The following RAB11FIP3 variants were observed in gnomAD, a reference collection of about 807,000 sequenced individuals.
RAB11FIP3 encodes rab11 family-interacting protein 3.
In RAB11FIP3, 17 loss-of-function variants were observed where a neutral mutation model predicts 77.8. The observed-to-expected ratio is 0.22, with a 90% CI of 0.15 to 0.33. The LOEUF (loss-of-function observed/expected upper bound fraction) is 0.33, where lower values mean the gene tolerates loss of function less well. Ranked by LOEUF, RAB11FIP3 falls within the 10% of genes least tolerant of loss-of-function variation. The probability of loss-of-function intolerance (pLI) is 1.00; values close to 1 mark genes in which losing one functional copy is unlikely to be tolerated. For missense variants in RAB11FIP3, 1,005 were observed against 1,011.2 expected, an observed-to-expected ratio of 0.99 and a Z score of 0.08; for synonymous variants, 437 against 448.2, an observed-to-expected ratio of 0.98 and a Z score of 0.31.
intron 1 of RAB11FIP3, among the ~76,000 whole-genome samples, chr16:440,123 G>T (rs140362601): frequency 2.6e-4 from 39 of 151,142 alleles, no homozygotes; most frequent in Admixed American, 6.6e-4. Context: ...GATTACAGGC[G>T]TGAGCCACCG....
rs760328450 is a variant in RAB11FIP3, at chr16:488,923, C to A, written c.1188C>A (p.Gly396=). 6.2e-7 allele frequency: 1 copy of A among 1,614,092 alleles called. No individual in the cohort carries two copies. The highest frequency in any genetic ancestry group is 8.5e-7 in the Non-Finnish European group (1 of 1,179,994). Residue 396 remains glycine, a synonymous_variant, in exon 5 of 14, where the codon GGC becomes GGA. Coordinates refer to ENST00000262305, the MANE Select transcript of RAB11FIP3 (RefSeq NM_014700.4). ...AGCACTTTGAGGACTACGGTGAAGGCAGTGAGGCGGAGCTGTCCCCAGAGA... is the reference window on the plus strand; with the variant it reads ...AGCACTTTGAGGACTACGGTGAAGGAAGTGAGGCGGAGCTGTCCCCAGAGA... The part of the protein sequence containing the change: ...GEEHFEDYGE[G]SEAELSPETL...
At chr16:459,250 C>T (rs755139319) in intron 1 of RAB11FIP3, among the ~76,000 whole-genome samples, 1 of 151,278 alleles carries the variant, frequency 6.6e-6, no homozygotes, top group African/African-American at 2.4e-5. Context: ...CCTCAGCCTC[C>T]CGAGTAGCTG....
chr16:518,316 A>T (rs1161684393), intron 9 of RAB11FIP3, among the ~76,000 whole-genome samples: 1 of 152,212 alleles, frequency 6.6e-6, no homozygotes, highest in East Asian at 1.9e-4. Flanking sequence ...CCTGGGCCCA[A>T]GCAATCCTCC....
chr16:458,032 C>T (rs2055531623), intron 1 of RAB11FIP3, among the ~76,000 whole-genome samples: 1 of 152,262 alleles, frequency 6.6e-6, no homozygotes, highest in African/African-American at 2.4e-5. Context: ...GGGGCGATGG[C>T]CCCGGCCTCT....
intron 1 of RAB11FIP3, among the ~76,000 whole-genome samples, chr16:446,312 G>T (rs2055316157): frequency 6.6e-6 from 1 of 152,200 alleles, no homozygotes; most frequent in Non-Finnish European, 1.5e-5. Context: ...TCTGAAATTG[G>T]TTGTCTATGT....
intron 1 of RAB11FIP3, among the ~76,000 whole-genome samples, chr16:449,751 AGACCC>A (rs1302127195): frequency 6.6e-6 from 1 of 151,920 alleles, no homozygotes; most frequent in African/African-American, 2.4e-5. Flanking sequence ...CAGGAGTTTG[AGACCC>A]GCCTGGCCAA....
chr16:426,538 C>A lies in RAB11FIP3; in HGVS notation c.532C>A (p.Pro178Thr), dbSNP rs1390528936. Residue 178 changes from proline (P) to threonine (T), a missense_variant, in exon 1 of 14, where the codon CCC becomes ACC. Physicochemically the swap from Pro to Thr is conservative, Grantham distance 38. Transcript: ENST00000262305. The surrounding 1 kb of genome is among the most constrained non-coding windows in gnomAD (Gnocchi z 5.0). ...TAGELALEQGPGSPPQPSDLS... is the reference protein window; with the variant it reads ...TAGELALEQGTGSPPQPSDLS... ...GGGCGAGCTGGCGCTGGAGCAAGGT[C>A]CCGGGTCCCCGCCGCAGCCCTCGGA... 6.4e-7 allele frequency: 1 copy of A among 1,566,616 alleles called. No individual in the cohort carries two copies. Among genetic ancestry groups the A allele is most frequent in the Admixed American group, 1.9e-5 (1 of 52,276 alleles).
rs781229732 is a variant in RAB11FIP3, at chr16:449,990, A to G, written c.715-11414A>G. Among the ~76,000 whole-genome samples the G allele has an allele frequency of 2.6e-5, 4 of 152,100 alleles. No homozygotes were observed. In the South Asian group the frequency reaches 8.3e-4, roughly 32 times the overall value. ...TTTTAAAGATTAAGTTAACCTCGTC[A>G]CAGTGACTGTGCCACCACATGCACA... On this transcript the variant is annotated intron_variant, in intron 1 of 13. Coordinates refer to ENST00000262305, the MANE Select transcript of RAB11FIP3 (RefSeq NM_014700.4).
chr16:443,843 C>T (rs1036668735), intron 1 of RAB11FIP3, among the ~76,000 whole-genome samples: 4 of 152,204 alleles, frequency 2.6e-5, no homozygotes, highest in Admixed American at 6.5e-5. Flanking sequence ...GGATTACAGG[C>T]ATGAGCCATC....
At position 520,658 on chromosome 16, in the gene RAB11FIP3, C is replaced by T. The variant is rs114324995; in HGVS notation, c.2157+59C>T. The T allele has an allele frequency of 1.0e-3, 1,631 of 1,610,120 alleles. 17 individuals carry two copies. In the African/African-American group the frequency reaches 0.019, roughly 19 times the overall value. On this transcript the variant is annotated intron_variant, in intron 13 of 13. Transcript: ENST00000262305. ...GGGTCCACAGTCTGCACTGTCTGTG[C>T]GCTGTGGTTTATGCGCTGTGGCCTG...
At chr16:460,093 T>G (rs2055578702) in intron 1 of RAB11FIP3, among the ~76,000 whole-genome samples, 2 of 152,246 alleles carry the variant, frequency 1.3e-5, no homozygotes, top group Admixed American at 6.5e-5. Context: ...GTCAGGATGA[T>G]CTGGAACTCC....
At chr16:436,845 G>C (rs2055138458) in intron 1 of RAB11FIP3, among the ~76,000 whole-genome samples, 1 of 152,156 alleles carries the variant, frequency 6.6e-6, no homozygotes, top group South Asian at 2.1e-4. Flanking sequence ...TCCTCCTAGT[G>C]TTGAGATTAT....
chr16:445,197 C>T (rs1199420932), intron 1 of RAB11FIP3, among the ~76,000 whole-genome samples: 2 of 149,616 alleles, frequency 1.3e-5, no homozygotes, highest in Non-Finnish European at 3.0e-5. Flanking sequence ...CTTTAGGAGG[C>T]CAAGGCAGGC....
intron 9 of RAB11FIP3, among the ~76,000 whole-genome samples, chr16:515,669 C>G (rs2032375737): frequency 6.6e-6 from 1 of 151,966 alleles, no homozygotes; most frequent in Admixed American, 6.6e-5. Flanking sequence ...GTGTTTGCAT[C>G]TCGGAGCAGC....
rs1339168069 is a variant in RAB11FIP3, at chr16:471,619, C to T, written c.903+230C>T. Among the ~76,000 whole-genome samples the T allele has an allele frequency of 6.6e-5, 10 of 152,190 alleles. No homozygotes were observed. Among genetic ancestry groups the T allele is most frequent in the Non-Finnish European group, 8.8e-5 (6 of 68,038 alleles). ...GCAGGAATCCTCCCCCAGGGCCTGT[C>T]GCCAGCAGAAGTGGGGTGGGCAGTG... On this transcript the variant is annotated intron_variant, in intron 3 of 13. Transcript: ENST00000262305. This position sits in a 1 kb window ranked among gnomAD's most constrained non-coding sequence, Gnocchi z 4.4.
intron 1 of RAB11FIP3, among the ~76,000 whole-genome samples, chr16:436,594 G>A (rs955285034): frequency 1.3e-5 from 2 of 152,096 alleles, no homozygotes; most frequent in Non-Finnish European, 2.9e-5. Context: ...AGATTCTCCT[G>A]CCTCAGCCTC....
rs1307307131 is a variant in RAB11FIP3 at position 521,630 on chromosome 16, C to T, written c.*791C>T. On this transcript the variant is annotated 3_prime_UTR_variant, in exon 14 of 14. Transcript: ENST00000262305. The stretch of plus-strand genomic sequence containing the variant: ...TGGGGCCTCCACTCCGACATCAGGA[C>T]CTGAGATGACCGCTGTGTGGCGCTC... The T allele has an allele frequency of 6.6e-6, 1 of 152,636 alleles. No individual in the cohort carries two copies. The highest frequency in any genetic ancestry group is 6.5e-5 in the Admixed American group (1 of 15,312). The allele number at this position is 152,636 out of a possible 1,614,324, so 9.5% of individuals were successfully genotyped here.
rs946024962 is a variant in RAB11FIP3 at position 520,932 on chromosome 16, C to G, written c.*93C>G. 15 of 1,036,436 alleles carry G rather than the reference C, an allele frequency of 1.4e-5. No homozygotes were observed. Among genetic ancestry groups the G allele is most frequent in the Non-Finnish European group, 2.3e-5 (15 of 666,312 alleles). The allele number at this position is 1,036,436 out of a possible 1,614,324, so 64.2% of individuals were successfully genotyped here. ...GAGGAGCCAAGACCAGCAGGTCCCA[C>G]AGCCGACAGTGCCCAGAGCATGCAG... is the stretch of plus-strand genomic sequence containing the variant. On this transcript the variant is annotated 3_prime_UTR_variant, in exon 14 of 14. Transcript: ENST00000262305.
intron 2 of RAB11FIP3, among the ~76,000 whole-genome samples, chr16:469,514 C>T (rs1156570278): frequency 6.6e-6 from 1 of 152,176 alleles, no homozygotes; most frequent in Non-Finnish European, 1.5e-5. Context: ...TGTGCCTCAG[C>T]CTCCCGAGTA....
Sources: allele counts gnomAD v4.1 joint callset (sites outside exome capture counted in the v4.1 genomes callset), GRCh38; gene constraint gnomAD v4.1.1; non-coding constraint Gnocchi (gnomAD v3.1); transcripts MANE v1.5; gene names NCBI Gene and HGNC (gene_info 2026-07-23, HGNC 2026-07-21).